CFAP206: variants seen among roughly 807,000 people sequenced by gnomAD.
CFAP206 encodes the protein cilia- and flagella-associated protein 206.
Under a neutral mutation model 65.4 loss-of-function variants are expected in CFAP206, and 53 were observed. The observed-to-expected ratio is 0.81, with a 90% CI of 0.65 to 1.02. The LOEUF is 1.02. CFAP206 is among the 50% of genes least tolerant of loss of function. CFAP206 has a pLI of 0.00. For synonymous variants in CFAP206, 250 were observed against 254.4 expected, an observed-to-expected ratio of 0.98 and a Z score of 0.17; for missense variants, 663 against 753.2, an observed-to-expected ratio of 0.88 and a Z score of 1.40.
intron 5 of CFAP206, 86 bp from the exon 6 acceptor site, chr6:87,416,583 T>G: frequency 8.0e-7 from 1 of 1,245,456 alleles, no homozygotes; most frequent in Non-Finnish European, 1.1e-6. Context: ...ACCCTTAACT[T>G]GCTGCTAAAG....
At chr6:87,448,727 T>A (rs1296464624) in intron 11 of CFAP206, among the ~76,000 whole-genome samples, 1 of 152,126 alleles carries the variant, frequency 6.6e-6, no homozygotes, top group East Asian at 1.9e-4. Flanking sequence ...GGGATCAACT[T>A]TTTTAGCTCC....
intron 11 of CFAP206, among the ~76,000 whole-genome samples, chr6:87,438,584 T>C (rs150113957): frequency 2.0e-5 from 3 of 152,238 alleles, no homozygotes; most frequent in African/African-American, 7.2e-5. Flanking sequence ...AGGATTGTGT[T>C]TTTTGGAGAG....
At chr6:87,431,503 C>G (rs141166578) in intron 10 of CFAP206, among the ~76,000 whole-genome samples, 3 of 152,198 alleles carry the variant, frequency 2.0e-5, no homozygotes, top group Non-Finnish European at 4.4e-5. Context: ...CAGTGGCTCA[C>G]GCCTATAATT....
intron 11 of CFAP206, among the ~76,000 whole-genome samples, chr6:87,439,268 A>G (rs1182379048): frequency 6.6e-6 from 1 of 152,072 alleles, no homozygotes; most frequent in Non-Finnish European, 1.5e-5. Context: ...CCTTCATAAA[A>G]CTTGATGGAT....
intron 10 of CFAP206, among the ~76,000 whole-genome samples, chr6:87,431,478 G>A (rs1562247381): frequency 6.6e-6 from 1 of 152,142 alleles, no homozygotes; most frequent in Admixed American, 6.5e-5. Context: ...AATGTTACAC[G>A]ACATTGGCTG....
rs765074381 is a variant in CFAP206 at position 87,431,168 on chromosome 6, T to C, written c.1295T>C (p.Leu432Pro). ...TTTGCTGCAACAGATGGTCTTCTCC[T>C]TCCAGGTATATCATTGGAAATGAGA... ...YTFAATDGLL[L>P]PGNPAIGILK... Residue 432 changes from leucine (L) to proline (P), a missense_variant, in exon 10 of 13, where the codon CTT (leucine) becomes CCT (proline). Leu to Pro is a moderately conservative substitution (Grantham distance 98). Transcript: ENST00000369562. 6.2e-7 allele frequency: 1 copy of C among 1,613,396 alleles called. No individual in the cohort carries two copies. Among genetic ancestry groups the C allele is most frequent in the Admixed American group, 1.7e-5 (1 of 59,934 alleles).
At position 87,408,017 on chromosome 6, in the gene CFAP206, G is replaced by C; in HGVS notation, c.-78G>C. The C allele has an allele frequency of 1.0e-6, 1 of 985,588 alleles. No homozygotes were observed. Among genetic ancestry groups the C allele is most frequent in the African/African-American group, 1.7e-5 (1 of 57,346 alleles). The allele number at this position is 985,588 out of a possible 1,614,324, so 61.1% of individuals were successfully genotyped here. On this transcript the variant is annotated 5_prime_UTR_variant, in exon 1 of 13. Transcript: ENST00000369562. ...CGGCGGTGGCTGCGAGCGCCCAACT[G>C]CTCCGACCGTCGCGGTGAGGGCCCC... is the stretch of plus-strand genomic sequence containing the variant.
intron 8 of CFAP206, among the ~76,000 whole-genome samples, chr6:87,427,088 C>A (rs931902476): frequency 3.9e-5 from 6 of 152,178 alleles, no homozygotes; most frequent in Admixed American, 2.6e-4. Context: ...ACCTGGCAAA[C>A]CTTATCTGGA....
At chr6:87,461,421 T>G (rs925800283) in intron 12 of CFAP206, among the ~76,000 whole-genome samples, 5 of 152,206 alleles carry the variant, frequency 3.3e-5, no homozygotes, top group African/African-American at 1.2e-4. Context: ...TGCTAGTATT[T>G]AAAGCACTCC....
intron 11 of CFAP206, among the ~76,000 whole-genome samples, chr6:87,452,330 T>G (rs1353004504): frequency 1.3e-5 from 2 of 152,186 alleles, no homozygotes; most frequent in Non-Finnish European, 2.9e-5. Context: ...TCAATTCCCT[T>G]TGAATACTTG....
chr6:87,427,277 A>G (rs975889000), intron 8 of CFAP206, among the ~76,000 whole-genome samples: 1 of 152,134 alleles, frequency 6.6e-6, no homozygotes, highest in South Asian at 2.1e-4. Context: ...AGCTGGGACT[A>G]CAGGCGCCCG....
Position 87,428,838 on chromosome 6 carries a change from T to C in CFAP206, c.1159+14T>C. On this transcript the variant is annotated intron_variant, in intron 9 of 12. Transcript: ENST00000369562. ...AAGAACACATGGGTAATGAAAATCA[T>C]CCATTATTTCCTCTTCTTTTTAAAA... 4 of 1,603,208 alleles carry C rather than the reference T, an allele frequency of 2.5e-6. No individual in the cohort carries two copies. Among genetic ancestry groups the C allele is most frequent in the Non-Finnish European group, 3.4e-6 (4 of 1,170,044 alleles).
chr6:87,449,993 T>C (rs1768511196), intron 11 of CFAP206, among the ~76,000 whole-genome samples: 1 of 152,204 alleles, frequency 6.6e-6, no homozygotes, highest in African/African-American at 2.4e-5. Context: ...AGTCAATTTT[T>C]ACATATGGTG....
intron 11 of CFAP206, among the ~76,000 whole-genome samples, chr6:87,450,192 A>T (rs572745731): frequency 6.6e-6 from 1 of 152,264 alleles, no homozygotes; most frequent in East Asian, 1.9e-4. Context: ...TTTTTATGCG[A>T]ATACCATGCT....
Position 87,409,889 on chromosome 6 carries a change from T to A in CFAP206, c.50T>A (p.Ile17Lys), listed in dbSNP as rs767290832. The A allele has an allele frequency of 3.1e-6, 5 of 1,613,298 alleles. No individual in the cohort carries two copies. Among genetic ancestry groups the A allele is most frequent in the Non-Finnish European group, 4.2e-6 (5 of 1,179,596 alleles). ...GTTATAAGGAGTATTATACGAGAAATAGGACAAGAATGTGCAGCCCATGGA... is the reference window on the plus strand; with the variant it reads ...GTTATAAGGAGTATTATACGAGAAAAAGGACAAGAATGTGCAGCCCATGGA... ...ESVIRSIIRE[I>K]GQECAAHGEI... The change falls in exon 2 of 13, where the codon ATA becomes AAA. Residue 17 changes from isoleucine (I) to lysine (K), a missense_variant. Physicochemically the swap from Ile to Lys is moderately radical, Grantham distance 102. Transcript: ENST00000369562.
intron 2 of CFAP206, among the ~76,000 whole-genome samples, chr6:87,410,280 A>T (rs751206608): frequency 6.6e-6 from 1 of 152,252 alleles, no homozygotes; most frequent in African/African-American, 2.4e-5. Context: ...TTAACAATAC[A>T]CAATAAAAAT....
chr6:87,426,711 G>T (rs1451516036), intron 8 of CFAP206, 66 bp downstream of exon 8: 3 of 1,182,646 alleles, frequency 2.5e-6, no homozygotes, highest in Non-Finnish European at 1.1e-6. Flanking sequence ...ATATTGGATC[G>T]CAAGTCATTA....
chr6:87,450,972 G>A (rs900370010), intron 11 of CFAP206, among the ~76,000 whole-genome samples: 1 of 152,166 alleles, frequency 6.6e-6, no homozygotes, highest in Non-Finnish European at 1.5e-5. Context: ...GGCAGAATTC[G>A]GCCAGTGCCC....
intron 11 of CFAP206, among the ~76,000 whole-genome samples, chr6:87,450,984 T>A (rs1419331568): frequency 6.6e-6 from 1 of 152,192 alleles, no homozygotes; most frequent in Non-Finnish European, 1.5e-5. Flanking sequence ...CCAGTGCCCA[T>A]GGCGGGAGCA....
Sources: gnomAD v4.1 joint callset for allele counts (sites outside exome capture counted in the v4.1 genomes callset) on GRCh38, gnomAD v4.1.1 for gene constraint, MANE v1.5 for transcripts, NCBI Gene and HGNC (gene_info 2026-07-23, HGNC 2026-07-21) for gene names.